CTBP2: variants seen among roughly 807,000 people sequenced by gnomAD.
CTBP2 encodes C-terminal-binding protein 2.
A neutral mutation model predicts 80.3 loss-of-function variants in CTBP2; 30 were observed. The ratio of observed to expected loss-of-function variants is 0.37; its 90% CI spans 0.28 to 0.51. CTBP2 has a LOEUF of 0.51. Ranked by LOEUF, CTBP2 falls within the 20% of genes least tolerant of loss-of-function variation. The pLI, the probability that CTBP2 is intolerant of heterozygous loss-of-function variation, is 0.93. For missense variants in CTBP2, 1,212 were observed against 1,375.3 expected, an observed-to-expected ratio of 0.88 and a Z score of 1.88; for synonymous variants, 594 against 587.4, an observed-to-expected ratio of 1.01 and a Z score of -0.16.
intron 1 of CTBP2, chr10:125,026,029 C>G: frequency 6.6e-7 from 1 of 1,519,490 alleles, no homozygotes; most frequent in East Asian, 2.3e-5. Flanking sequence ...CAACCCCGCA[C>G]CCCCCTGCTC....
At chr10:124,998,407 G>A (rs747800367) in intron 3 of CTBP2, 9 of 559,970 alleles carry the variant, frequency 1.6e-5, no homozygotes, top group Middle Eastern at 4.8e-4. Flanking sequence ...GCTCCAGGAC[G>A]TGGCTCATGA....
Position 124,986,963 on chromosome 10 carries a change from C to CT in CTBP2, c.*2554dup, listed in dbSNP as rs1952061793. 1 of 152,398 alleles carries CT rather than the reference C, an allele frequency of 6.6e-6. No individual in the cohort carries two copies. The highest frequency in any genetic ancestry group is 6.6e-5 in the Admixed American group (1 of 15,266). 9.4% of individuals were successfully genotyped at this position (152,398 alleles called of 1,614,324 possible). On this transcript the variant is annotated 3_prime_UTR_variant, in exon 9 of 9. Transcript: ENST00000309035. The stretch of plus-strand genomic sequence containing the variant: ...GTGAGTGTTGTTTCCCCTGAGCGCT[C>CT]TATTATTTATTTATTTATTATCAAT...
intron 2 of CTBP2, among the ~76,000 whole-genome samples, chr10:125,085,388 AC>A (rs918562456): frequency 6.6e-6 from 1 of 152,140 alleles, no homozygotes. Flanking sequence ...TCCTGTACAC[AC>A]GCCTGACTCT....
At chr10:125,045,581 CTCCACTTCTCGAGTTCAAGT>C (rs1961032130) in intron 2 of CTBP2, among the ~76,000 whole-genome samples, 1 of 152,248 alleles carries the variant, frequency 6.6e-6, no homozygotes, top group Admixed American at 6.5e-5. Flanking sequence ...TGACTGCAAC[CTCCACTTCTCGAGTTCAAGT>C]GATTCTCCTG....
At chr10:124,998,257 C>T (rs1233858660) in intron 3 of CTBP2, 87 bp from the exon 6 acceptor site, 17 of 1,475,594 alleles carry the variant, frequency 1.2e-5, no homozygotes, top group Admixed American at 6.1e-5. Context: ...CCTCCTGAGA[C>T]TCGGTTGTTG....
intron 1 of CTBP2, among the ~76,000 whole-genome samples, chr10:125,128,808 G>C (rs1001774508): frequency 2.0e-5 from 3 of 152,222 alleles, no homozygotes; most frequent in African/African-American, 7.2e-5. Context: ...ACTTACCCAA[G>C]AGAAATGAAA....
chr10:125,109,447 C>T (rs144631589), intron 2 of CTBP2, among the ~76,000 whole-genome samples: 6 of 152,312 alleles, frequency 3.9e-5, no homozygotes, highest in African/African-American at 7.2e-5. Context: ...CTGAGAAACC[C>T]GGGCAGATTC....
Position 124,989,709 on chromosome 10 carries a change from C to T in CTBP2, c.2778-11G>A, listed in dbSNP as rs2134051077. The T allele has an allele frequency of 6.4e-7, 1 of 1,557,362 alleles. No individual in the cohort carries two copies. The highest frequency in any genetic ancestry group is 2.3e-5 in the East Asian group (1 of 44,434). On this transcript the variant is annotated splice_polypyrimidine_tract_variant and intron_variant, in intron 8 of 8. Coordinates refer to ENST00000309035, the MANE Select transcript of CTBP2 (RefSeq NM_022802.3). ...ATGCCTGGCGGATATCTAAGGAACA[C>T]ACAGAAATAGGGCCTTGTAAGTTCA...
chr10:125,109,650 C>T (rs916703923), intron 2 of CTBP2, among the ~76,000 whole-genome samples: 1 of 152,240 alleles, frequency 6.6e-6, no homozygotes, highest in Admixed American at 6.5e-5. Context: ...TGAGGGGCCC[C>T]TCTCATACAC....
At chr10:125,025,740 C>T (rs915585166) in intron 1 of CTBP2, among the ~76,000 whole-genome samples, 1 of 152,194 alleles carries the variant, frequency 6.6e-6, no homozygotes, top group Non-Finnish European at 1.5e-5. Context: ...GGCCACCCCT[C>T]GTGAGCTCAA....
At chr10:125,098,131 C>T (rs901056329) in intron 2 of CTBP2, among the ~76,000 whole-genome samples, 4 of 152,116 alleles carry the variant, frequency 2.6e-5, no homozygotes, top group South Asian at 2.1e-4. Flanking sequence ...AAAAACCAAA[C>T]GAACAAAAAA....
intron 1 of CTBP2, among the ~76,000 whole-genome samples, chr10:125,153,755 A>T (rs1015625977): frequency 5.3e-5 from 8 of 152,204 alleles, no homozygotes; most frequent in Non-Finnish European, 1.0e-4. Context: ...AGGCCAGAGG[A>T]GTTGATCTCC....
Position 124,989,702 on chromosome 10 carries a change from A to G in CTBP2, c.2778-4T>C. 1 of 1,562,686 alleles carries G rather than the reference A, an allele frequency of 6.4e-7. No individual in the cohort carries two copies. The highest frequency in any genetic ancestry group is 8.7e-7 in the Non-Finnish European group (1 of 1,154,674). On this transcript the variant is annotated splice_polypyrimidine_tract_variant and splice_region_variant and intron_variant, in intron 8 of 8. Coordinates refer to ENST00000309035, the MANE Select transcript of CTBP2 (RefSeq NM_022802.3). Reference sequence around the variant, plus strand: ...ACCCACGATGCCTGGCGGATATCTAAGGAACACACAGAAATAGGGCCTTGT... The same window carrying G: ...ACCCACGATGCCTGGCGGATATCTAGGGAACACACAGAAATAGGGCCTTGT...
chr10:125,089,631 A>T (rs1244671639), intron 2 of CTBP2, among the ~76,000 whole-genome samples: 1 of 152,234 alleles, frequency 6.6e-6, no homozygotes, highest in African/African-American at 2.4e-5. Context: ...AGAGAATGTA[A>T]GATGTGCAGG....
intron 1 of CTBP2, among the ~76,000 whole-genome samples, chr10:125,023,492 C>G (rs1047630776): frequency 6.6e-6 from 1 of 152,218 alleles, no homozygotes; most frequent in Non-Finnish European, 1.5e-5. Flanking sequence ...GCAGCCACCG[C>G]CGGAGGGCTC....
intron 2 of CTBP2, among the ~76,000 whole-genome samples, chr10:125,063,803 C>T (rs1844206237): frequency 1.3e-5 from 2 of 152,220 alleles, no homozygotes; most frequent in Admixed American, 1.3e-4. Context: ...GCAGACACAG[C>T]TCTCCCGTGG....
At position 125,112,182 on chromosome 10, in the gene CTBP2, G is replaced by A. The variant is rs189635781; in HGVS notation, c.-205-1089C>T. 9.3e-3 allele frequency among the ~76,000 whole-genome samples: 1,363 copies of A among 146,746 alleles called. 9 individuals are homozygous for A. Among genetic ancestry groups the A allele is most frequent in the Non-Finnish European group, 0.014 (970 of 67,414 alleles). ...GGCTGGAGTGCAATGGCGCGATCTC[G>A]GCTCACTGCAAGCTCCGCCTCCTGA... On this transcript the variant is annotated intron_variant, in intron 1 of 10. Coordinates refer to the CTBP2 transcript ENST00000337195.
chr10:125,084,090 T>G (rs1847604569), intron 2 of CTBP2, among the ~76,000 whole-genome samples: 1 of 151,676 alleles, frequency 6.6e-6, no homozygotes. Context: ...CCCAGCTACG[T>G]TTTTTGATTT....
chr10:125,034,216 C>T (rs1413782133), intron 3 of CTBP2, among the ~76,000 whole-genome samples: 1 of 152,212 alleles, frequency 6.6e-6, no homozygotes, highest in African/African-American at 2.4e-5. Context: ...AGTCTATGAA[C>T]CCCATCCCCA....
Sources: gnomAD v4.1 joint callset for allele counts (sites outside exome capture counted in the v4.1 genomes callset) on GRCh38, gnomAD v4.1.1 for gene constraint, MANE v1.5 for transcripts, NCBI Gene and HGNC (gene_info 2026-07-23, HGNC 2026-07-21) for gene names.